FBN3: variants seen among roughly 807,000 people sequenced by gnomAD.
The protein encoded by FBN3 is fibrillin 3.
A neutral mutation model predicts 330.1 loss-of-function variants in FBN3; 234 were observed. That is an observed-to-expected ratio of 0.71 (90% CI 0.64 to 0.79). The LOEUF (loss-of-function observed/expected upper bound fraction) is 0.79, where lower values mean the gene tolerates loss of function less well. Ranked by LOEUF, FBN3 falls within the 30% of genes least tolerant of loss-of-function variation. The probability of loss-of-function intolerance (pLI) is 0.00; values close to 1 mark genes in which losing one functional copy is unlikely to be tolerated. For missense variants in FBN3, 3,606 were observed against 3,886.9 expected (o/e 0.93, Z 1.92); for synonymous variants, 1,458 against 1,517.3 (o/e 0.96, Z 0.91).
intron 55 of FBN3, among the ~76,000 whole-genome samples, 168 bp from the exon 56 acceptor site, chr19:8,085,737 T>G (rs76002157): frequency 0.036 from 5,480 of 151,670 alleles, 148 homozygotes; most frequent in Non-Finnish European, 0.057. Flanking sequence ...CCGGCTGGGG[T>G]TAGCTCCCCA....
intron 24 of FBN3, among the ~76,000 whole-genome samples, chr19:8,123,045 A>T (rs1163918645): frequency 6.6e-6 from 1 of 151,736 alleles, no homozygotes; most frequent in Non-Finnish European, 1.5e-5. Flanking sequence ...AGAGGCAGAC[A>T]CAAGAAGTGC....
Position 8,072,178 on chromosome 19 carries a change from C to A in FBN3, c.7958G>T (p.Gly2653Val), listed in dbSNP as rs758271163. ...AGQGHCVSGL[G>V]FSPGPQDTPD... ...GGTGTCCTGGGGTCCGGGGCTGAAG[C>A]CCAGGCCGGAGACACAGTGCCTGGG... Residue 2653 changes from glycine to valine, a missense_variant, in exon 63 of 64, where the codon GGC becomes GTC. By Grantham distance (109) the Gly-to-Val change is moderately radical. Transcript: ENST00000600128. The A allele has an allele frequency of 4.5e-6, 7 of 1,563,778 alleles. No homozygotes were observed. Among genetic ancestry groups the A allele is most frequent in the Admixed American group, 1.8e-5 (1 of 54,966 alleles).
chr19:8,111,244 G>T, intron 32 of FBN3, 61 bp from the exon 33 acceptor site: 2 of 1,523,340 alleles, frequency 1.3e-6, no homozygotes. Context: ...CACAGGGTGG[G>T]CAGGAGGCCC....
rs2082205598 is a variant in FBN3 at position 8,096,204 on chromosome 19, G to C, written c.5540-124C>G. 2 of 893,358 alleles carry C rather than the reference G, an allele frequency of 2.2e-6. No individual in the cohort carries two copies. Among genetic ancestry groups the C allele is most frequent in the Admixed American group, 3.7e-5 (2 of 53,638 alleles). 55.3% of individuals were successfully genotyped at this position (893,358 alleles called of 1,614,324 possible). On this transcript the variant is annotated intron_variant, in intron 44 of 63. Transcript: ENST00000600128. The surrounding 1 kb of genome is among the most constrained non-coding windows in gnomAD (Gnocchi z 4.6). ...CTAGCCCTGCCTAGATGACTGGGCAGTGACCCCTGGCGGTGATGGCTGGGA... is the reference window on the plus strand; with the variant it reads ...CTAGCCCTGCCTAGATGACTGGGCACTGACCCCTGGCGGTGATGGCTGGGA...
At position 8,086,250 on chromosome 19, in the gene FBN3, C is replaced by T. The variant is rs910512906; in HGVS notation, c.6830G>A (p.Cys2277Tyr). The T allele has an allele frequency of 1.7e-5, 27 of 1,611,042 alleles. No individual in the cohort carries two copies. The highest frequency in any genetic ancestry group is 2.3e-5 in the Non-Finnish European group (27 of 1,178,472). ...RCVNTAGSFR[C>Y]DCDEGFQPSP... ...GGGCTGGAATCCCTCATCACAGTCG[C>T]ACCGGAAGCTGCCCGCGGTGTTGAC... Residue 2277 changes from cysteine to tyrosine, a missense_variant, in exon 55 of 64, where the codon TGC (cysteine) becomes TAC (tyrosine). Transcript: ENST00000600128.
intron 25 of FBN3, among the ~76,000 whole-genome samples, chr19:8,119,971 C>G (rs1052834713): frequency 2.0e-5 from 3 of 151,262 alleles, no homozygotes; most frequent in African/African-American, 7.3e-5. Context: ...CAGGCAGGCA[C>G]CACCATGCCC....
chr19:8,091,641 A>G, intron 47 of FBN3, 51 bp from the exon 48 acceptor site: 2 of 1,599,490 alleles, frequency 1.3e-6, no homozygotes, highest in Non-Finnish European at 8.5e-7. Flanking sequence ...GACCTCCATC[A>G]GTGGGGAGAG....
chr19:8,101,496 T>G (rs2082327238), intron 40 of FBN3, among the ~76,000 whole-genome samples: 1 of 152,234 alleles, frequency 6.6e-6, no homozygotes, highest in Non-Finnish European at 1.5e-5. Context: ...TGGCTCCTGC[T>G]GTGCCCCTGC....
intron 47 of FBN3, among the ~76,000 whole-genome samples, chr19:8,092,868 A>T (rs1363162949): frequency 6.6e-6 from 1 of 152,096 alleles, no homozygotes; most frequent in Non-Finnish European, 1.5e-5. Flanking sequence ...GAGGATGCAA[A>T]GGCATAATAA....
At chr19:8,139,422 G>A (rs2145026469) in intron 8 of FBN3, among the ~76,000 whole-genome samples, 1 of 152,248 alleles carries the variant, frequency 6.6e-6, no homozygotes, top group Middle Eastern at 3.4e-3. Context: ...TTGTTACCAA[G>A]ATTCCAAGTT....
In FBN3 at chr19:8,103,489, C is replaced by T. The variant is rs73922220; in HGVS notation, c.4939+73G>A. The T allele has an allele frequency of 2.6e-3, 3,865 of 1,506,308 alleles. 97 individuals carry two copies. The African/African-American group carries it at 0.047, about 18-fold the overall frequency. 93.3% of individuals were successfully genotyped at this position (1,506,308 alleles called of 1,614,324 possible). ...CCCTCCCTCTCCATAGGCTTGAAGG[C>T]TCCCAGCAGTTCCTCCCATGCCCAG... is the stretch of plus-strand genomic sequence containing the variant. On this transcript the variant is annotated intron_variant, in intron 39 of 63. Transcript: ENST00000600128.
In FBN3 at chr19:8,131,819, C is replaced by A; in HGVS notation, c.1725G>T (p.Glu575Asp). The A allele has an allele frequency of 6.3e-7, 1 of 1,593,562 alleles. No individual in the cohort carries two copies. The highest frequency in any genetic ancestry group is 8.6e-7 in the Non-Finnish European group (1 of 1,165,856). Residue 575 changes from glutamate (E) to aspartate (D), a missense_variant, in exon 15 of 64, where the codon GAG (glutamate) becomes GAT (aspartate). Transcript: ENST00000600128. The surrounding 1 kb of genome is among the most constrained non-coding windows in gnomAD (Gnocchi z 4.5). ...PGGHYCMDID[E>D]CQTPGICVNG... ...TCACGCAGATGCCGGGCGTCTGGCA[C>A]TCGTCAATGTCTGCAGAAGCAGTGG...
chr19:8,099,926 C>T (rs1173066364), intron 41 of FBN3, among the ~76,000 whole-genome samples: 2 of 151,210 alleles, frequency 1.3e-5, no homozygotes, highest in Admixed American at 6.6e-5. Context: ...AGGAGAATCG[C>T]TTGAACCCAG....
At chr19:8,097,075 C>A in intron 42 of FBN3, 69 bp from the exon 43 acceptor site, 1 of 1,575,084 alleles carries the variant, frequency 6.3e-7, no homozygotes. Flanking sequence ...AACGTGAAAC[C>A]CAGTCCACTG....
chr19:8,139,728 CCCT>C (rs1187316805), intron 8 of FBN3, among the ~76,000 whole-genome samples: 1 of 152,020 alleles, frequency 6.6e-6, no homozygotes. Context: ...TCCCACTGCG[CCCT>C]CAAGGTCAAT....
At chr19:8,070,954 A>G (rs2081497963) in intron 63 of FBN3, among the ~76,000 whole-genome samples, 1 of 151,644 alleles carries the variant, frequency 6.6e-6, no homozygotes, top group Non-Finnish European at 1.5e-5. Context: ...CCCAAGAGGC[A>G]GAGATTGCGG....
rs377353886 is a variant in FBN3, at chr19:8,065,742, G to A, written c.*177C>T. ...AAGACTGAGTAACTGGGGGGCCCCC[G>A]GGGCTGGCACAGAGGCCCAGGCAGA... On this transcript the variant is annotated 3_prime_UTR_variant, in exon 64 of 64. Coordinates refer to ENST00000600128, the MANE Select transcript of FBN3 (RefSeq NM_032447.5). 1.1e-4 allele frequency: 67 copies of A among 598,162 alleles called. No individual in the cohort carries two copies. The highest frequency in any genetic ancestry group is 7.8e-4 in the African/African-American group (42 of 53,564). 37.1% of individuals were successfully genotyped at this position (598,162 alleles called of 1,614,324 possible).
intron 63 of FBN3, among the ~76,000 whole-genome samples, chr19:8,070,747 G>A (rs571385578): frequency 1.3e-5 from 2 of 152,260 alleles, no homozygotes; most frequent in South Asian, 2.1e-4. Context: ...TCTAGGCTGG[G>A]TGCAGTGCTT....
chr19:8,143,514 T>TTTTTG (rs397950275), intron 6 of FBN3, among the ~76,000 whole-genome samples: 1 of 149,568 alleles, frequency 6.7e-6, no homozygotes, highest in Non-Finnish European at 1.5e-5. Flanking sequence ...TTTTTTTTTT[T>TTTTTG]GAGACAGGGT....
Sources: allele counts gnomAD v4.1 joint callset (sites outside exome capture counted in the v4.1 genomes callset), GRCh38; gene constraint gnomAD v4.1.1; non-coding constraint Gnocchi (gnomAD v3.1); transcripts MANE v1.5; gene names NCBI Gene and HGNC (gene_info 2026-07-23, HGNC 2026-07-21).